CCDC171: variants seen among roughly 807,000 people sequenced by gnomAD.
CCDC171 encodes the protein coiled-coil domain-containing protein 171.
CCDC171 carries 177 observed loss-of-function variants against 168.2 expected under a neutral mutation model. That is an observed-to-expected ratio of 1.05 (90% CI 0.93 to 1.19). The LOEUF is 1.19. Among genes scored for constraint, CCDC171 ranks in the 50% most tolerant of loss-of-function variants. The pLI, the probability that CCDC171 is intolerant of heterozygous loss-of-function variation, is 0.00. For synonymous variants in CCDC171, 687 were observed against 540.8 expected (o/e 1.27, Z -3.75); for missense variants, 1,991 against 1,539.0 (o/e 1.29, Z -4.91).
At chr9:15,950,422 G>C (rs9407697) in intron 25 of CCDC171, among the ~76,000 whole-genome samples, 78,724 of 151,990 alleles carry the variant, frequency 0.52, 21,802 homozygotes, top group African/African-American at 0.73. Flanking sequence ...AACAGCAGAT[G>C]TCTTGGCAGA....
intron 1 of CCDC171, among the ~76,000 whole-genome samples, chr9:16,053,487 G>A (rs2149233): frequency 0.38 from 58,221 of 152,170 alleles, 13,988 homozygotes; most frequent in East Asian, 0.78. Context: ...ACCCATCCGC[G>A]CCTCAGTTTC....
At chr9:15,842,609 A>G (rs1010481364) in intron 21 of CCDC171, among the ~76,000 whole-genome samples, 2 of 151,958 alleles carry the variant, frequency 1.3e-5, no homozygotes, top group African/African-American at 4.8e-5. Flanking sequence ...TTTTACTTCA[A>G]AAAAGACCTC....
chr9:15,737,479 T>C (rs949573071), intron 16 of CCDC171, among the ~76,000 whole-genome samples: 69 of 152,158 alleles, frequency 4.5e-4, no homozygotes, highest in African/African-American at 1.3e-3. Flanking sequence ...AAGGGAGATA[T>C]AGGACACATC....
Position 15,677,925 on chromosome 9 carries a change from T to TATAAA in CCDC171, c.1077-832_1077-831insTAAAA, listed in dbSNP as rs59883669. ...ATATATATATATATATATATATATATAAGAGATGTGGTCTCATTCTGTTAC... is the reference window on the plus strand; with the variant it reads ...ATATATATATATATATATATATATATATAAAAAGAGATGTGGTCTCATTCTGTTAC... On this transcript the variant is annotated intron_variant, in intron 9 of 25. Coordinates refer to ENST00000380701, the MANE Select transcript of CCDC171 (RefSeq NM_173550.4). 2.0e-3 allele frequency among the ~76,000 whole-genome samples: 84 copies of TATAAA among 41,868 alleles called. 13 individuals carry two copies. Among genetic ancestry groups the TATAAA allele is most frequent in the African/African-American group, 7.9e-3 (79 of 9,958 alleles). The allele number at this position is 41,868 out of a possible 152,430, so 27.5% of individuals were successfully genotyped here.
chr9:15,598,125 G>T (rs2042524236), intron 6 of CCDC171, among the ~76,000 whole-genome samples: 1 of 152,000 alleles, frequency 6.6e-6, no homozygotes, highest in Non-Finnish European at 1.5e-5. Context: ...ATTTTTTGAA[G>T]GGTTTTTTGT....
At chr9:15,662,749 G>A (rs186825670) in intron 8 of CCDC171, among the ~76,000 whole-genome samples, 77 of 152,208 alleles carry the variant, frequency 5.1e-4, no homozygotes, top group African/African-American at 1.7e-3. Context: ...GCTGAGGTGG[G>A]CAAATCATTG....
chr9:15,637,576 G>A lies in CCDC171; in HGVS notation c.822+14163G>A, dbSNP rs982371656. Among the ~76,000 whole-genome samples the A allele has an allele frequency of 3.3e-5, 5 of 150,238 alleles. No homozygotes were observed. The South Asian group carries it at 6.3e-4, about 19-fold the overall frequency. On this transcript the variant is annotated intron_variant, in intron 7 of 25. Coordinates refer to ENST00000380701, the MANE Select transcript of CCDC171 (RefSeq NM_173550.4). ...GCTGGTGTGCTGCACCCATTAACTCGTCATTTAGCATTAGGTGTATCTCCT... is the reference window on the plus strand; with the variant it reads ...GCTGGTGTGCTGCACCCATTAACTCATCATTTAGCATTAGGTGTATCTCCT...
intron 25 of CCDC171, among the ~76,000 whole-genome samples, chr9:15,954,883 G>A (rs1829628788): frequency 6.6e-6 from 1 of 151,980 alleles, no homozygotes; most frequent in South Asian, 2.1e-4. Context: ...CTGTAAGACA[G>A]TTGTTGTAAT....
intron 1 of CCDC171, among the ~76,000 whole-genome samples, chr9:16,050,958 T>C (rs770021221): frequency 6.6e-6 from 1 of 152,218 alleles, no homozygotes; most frequent in Non-Finnish European, 1.5e-5. Flanking sequence ...GACCTCTTTA[T>C]GAATATGGTT....
At chr9:15,704,495 A>G (rs2052052776) in intron 11 of CCDC171, among the ~76,000 whole-genome samples, 1 of 152,222 alleles carries the variant, frequency 6.6e-6, no homozygotes, top group Non-Finnish European at 1.5e-5. Flanking sequence ...AGTTTAATAC[A>G]TGCTTTGTAT....
chr9:15,913,805 T>C (rs1483362087), intron 24 of CCDC171, among the ~76,000 whole-genome samples: 1 of 152,220 alleles, frequency 6.6e-6, no homozygotes, highest in Non-Finnish European at 1.5e-5. Flanking sequence ...TTGCTGTCGG[T>C]GACCTTCGGA....
chr9:15,986,563 GAAAGATTTTATACGAAGAGGGCAACA>G lies in CCDC171; in HGVS notation n.369-34022_369-33997del, dbSNP rs574532534. On this transcript the variant is annotated intron_variant and non_coding_transcript_variant, in intron 3 of 9. Transcript: ENST00000486641. ...CGTAAAAATCCAAGAACTGTAATGG[GAAAGATTTTATACGAAGAGGGCAACA>G]AAACCCCAGATTGCCCTAGATCCTT... Among the ~76,000 whole-genome samples, 209 of 152,274 alleles carry G rather than the reference GAAAGATTTTATACGAAGAGGGCAACA, an allele frequency of 1.4e-3. 1 individual carries two copies. The highest frequency in any genetic ancestry group is 4.9e-3 in the African/African-American group (205 of 41,546).
intron 21 of CCDC171, among the ~76,000 whole-genome samples, chr9:15,791,498 G>T (rs1176460104): frequency 6.6e-6 from 1 of 152,136 alleles, no homozygotes; most frequent in African/African-American, 2.4e-5. Context: ...ATTTTGGGCT[G>T]AGGTGATGTG....
At chr9:15,735,462 G>A (rs1245895277) in intron 16 of CCDC171, among the ~76,000 whole-genome samples, 2 of 152,010 alleles carry the variant, frequency 1.3e-5, no homozygotes, top group Non-Finnish European at 2.9e-5. Context: ...GTTAATTAAG[G>A]GTTACCCTTG....
At chr9:15,589,909 T>C (rs1465702458) in intron 4 of CCDC171, among the ~76,000 whole-genome samples, 1 of 152,144 alleles carries the variant, frequency 6.6e-6, no homozygotes, top group Non-Finnish European at 1.5e-5. Flanking sequence ...CAGAAATGTA[T>C]GATAAATCAT....
Position 15,891,709 on chromosome 9 carries a change from T to C in CCDC171, c.3600+17046T>C, listed in dbSNP as rs527777517. Among the ~76,000 whole-genome samples, 3 of 152,330 alleles carry C rather than the reference T, an allele frequency of 2.0e-5. No homozygotes were observed. In the South Asian group the frequency reaches 6.2e-4, roughly 32 times the overall value. On this transcript the variant is annotated intron_variant, in intron 24 of 25. Transcript: ENST00000380701. ...CCATACCAATATTTTATAATCTTAA[T>C]GTAATCAAGTGGAATAAGTATGTAT...
chr9:15,631,568 C>G (rs1007779959), intron 7 of CCDC171, among the ~76,000 whole-genome samples: 3 of 152,162 alleles, frequency 2.0e-5, no homozygotes, highest in Non-Finnish European at 4.4e-5. Flanking sequence ...CAGTTGGATT[C>G]ACAGCCGAAT....
Position 15,664,567 on chromosome 9 carries a change from TAC to T in CCDC171, c.916-1575_916-1574del, listed in dbSNP as rs34252519. 6.0e-3 allele frequency among the ~76,000 whole-genome samples: 869 copies of T among 144,086 alleles called. 3 individuals carry two copies. Among genetic ancestry groups the T allele is most frequent in the Non-Finnish European group, 9.8e-3 (654 of 66,700 alleles). The allele number at this position is 144,086 out of a possible 152,430, so 94.5% of individuals were successfully genotyped here. ...CTTGGCCTGTAGGCCCTTAAATTTA[TAC>T]ACACACACACACACACACACTCACA... On this transcript the variant is annotated intron_variant, in intron 8 of 25. Coordinates refer to ENST00000380701, the MANE Select transcript of CCDC171 (RefSeq NM_173550.4).
chr9:15,849,479 C>G (rs922352123), intron 23 of CCDC171, among the ~76,000 whole-genome samples: 1 of 150,932 alleles, frequency 6.6e-6, no homozygotes, highest in East Asian at 1.9e-4. Flanking sequence ...TTTGATTACT[C>G]CTGTATGATA....
Sources: gnomAD v4.1 joint callset for allele counts (sites outside exome capture counted in the v4.1 genomes callset) on GRCh38, gnomAD v4.1.1 for gene constraint, MANE v1.5 for transcripts, NCBI Gene and HGNC (gene_info 2026-07-23, HGNC 2026-07-21) for gene names.